Variants in SUCO observed in about 807,000 individuals in gnomAD.
SUCO encodes SUN domain-containing ossification factor.
A neutral mutation model predicts 148.1 loss-of-function variants in SUCO; 57 were observed. The ratio of observed to expected loss-of-function variants is 0.38; its 90% CI spans 0.31 to 0.48. The LOEUF is 0.48. Ranked by LOEUF, SUCO falls within the 20% of genes least tolerant of loss-of-function variation. SUCO has a pLI of 0.96. For synonymous variants in SUCO, 470 were observed against 502.7 expected, an observed-to-expected ratio of 0.93 and a Z score of 0.87; for missense variants, 1,331 against 1,468.2, an observed-to-expected ratio of 0.91 and a Z score of 1.53.
rs1415934321 is a variant in SUCO, at chr1:172,533,206, G to A, written c.-230G>A. Reference sequence around the variant, plus strand: ...GCGTGGACGAGCCGGTGGCTGCAGCGGCGGCGGTCCCCGGAGTCCTGTGAA... The same window carrying A: ...GCGTGGACGAGCCGGTGGCTGCAGCAGCGGCGGTCCCCGGAGTCCTGTGAA... On this transcript the variant is annotated 5_prime_UTR_variant, in exon 1 of 24. Coordinates refer to ENST00000263688, the MANE Select transcript of SUCO (RefSeq NM_014283.5). The A allele has an allele frequency of 2.6e-6, 4 of 1,517,704 alleles. No individual in the cohort carries two copies. The highest frequency in any genetic ancestry group is 1.2e-5 in the South Asian group (1 of 81,540). The allele number at this position is 1,517,704 out of a possible 1,614,324, so 94.0% of individuals were successfully genotyped here.
At chr1:172,564,481 C>G (rs1370244911) in intron 6 of SUCO, among the ~76,000 whole-genome samples, 8 of 152,188 alleles carry the variant, frequency 5.3e-5, no homozygotes, top group South Asian at 2.1e-4. Flanking sequence ...CACTCTCTTT[C>G]TCCTGCGCCA....
In SUCO at chr1:172,533,201, G is replaced by A. The variant is rs749738669; in HGVS notation, c.-235G>A. The A allele has an allele frequency of 2.0e-6, 3 of 1,512,826 alleles. No individual in the cohort carries two copies. The highest frequency in any genetic ancestry group is 2.1e-5 in the Admixed American group (1 of 47,454). 93.7% of individuals were successfully genotyped at this position (1,512,826 alleles called of 1,614,324 possible). The stretch of plus-strand genomic sequence containing the variant: ...GGCGGGCGTGGACGAGCCGGTGGCT[G>A]CAGCGGCGGCGGTCCCCGGAGTCCT... On this transcript the variant is annotated 5_prime_UTR_variant, in exon 1 of 24. Coordinates refer to ENST00000263688, the MANE Select transcript of SUCO (RefSeq NM_014283.5).
At chr1:172,577,610 A>G (rs1655545286) in intron 12 of SUCO, 51 bp downstream of exon 12, 1 of 1,599,816 alleles carries the variant, frequency 6.3e-7, no homozygotes, top group Admixed American at 1.7e-5. Flanking sequence ...TGGCGTATTA[A>G]TGCATTACAA....
intron 4 of SUCO, among the ~76,000 whole-genome samples, chr1:172,556,273 C>T (rs1558180207): frequency 6.6e-6 from 1 of 152,112 alleles, no homozygotes; most frequent in African/African-American, 2.4e-5. Flanking sequence ...TATGAAATCT[C>T]TATATAGTCT....
At chr1:172,574,669 A>G (rs183278194) in intron 10 of SUCO, among the ~76,000 whole-genome samples, 1 of 151,988 alleles carries the variant, frequency 6.6e-6, no homozygotes, top group Non-Finnish European at 1.5e-5. Flanking sequence ...TGTACACATT[A>G]TTTTTTGTTC....
chr1:172,568,800 G>T (rs1654740120), intron 6 of SUCO, among the ~76,000 whole-genome samples: 1 of 152,076 alleles, frequency 6.6e-6, no homozygotes, highest in South Asian at 2.1e-4. Flanking sequence ...CTTAACAAGT[G>T]AAGGAACACA....
At chr1:172,590,666 G>A (rs981215749) in intron 18 of SUCO, among the ~76,000 whole-genome samples, 3 of 152,092 alleles carry the variant, frequency 2.0e-5, no homozygotes, top group Non-Finnish European at 4.4e-5. Flanking sequence ...TATATCTGAA[G>A]TAGGAAATTT....
intron 11 of SUCO, chr1:172,576,819 C>T: frequency 1.3e-6 from 1 of 760,352 alleles, no homozygotes; most frequent in African/African-American, 1.9e-5. Context: ...CATTTACTTA[C>T]AGCTCATGAA....
chr1:172,567,799 T>C (rs978387715), intron 6 of SUCO, among the ~76,000 whole-genome samples: 4 of 152,214 alleles, frequency 2.6e-5, no homozygotes, highest in African/African-American at 9.7e-5. Flanking sequence ...TAGCATAGAT[T>C]TCTCTTGGCT....
At chr1:172,595,688 TTCTC>T (rs1452169237) in intron 19 of SUCO, among the ~76,000 whole-genome samples, 1 of 152,196 alleles carries the variant, frequency 6.6e-6, no homozygotes, top group Non-Finnish European at 1.5e-5. Flanking sequence ...AACCCGACCT[TTCTC>T]TCTGGCTGCC....
intron 19 of SUCO, 48 bp from the exon 20 acceptor site, chr1:172,600,016 A>T: frequency 8.1e-7 from 1 of 1,238,224 alleles, no homozygotes; most frequent in Non-Finnish European, 1.1e-6. Flanking sequence ...TTATAATGTT[A>T]ATAGTTTGTA....
At chr1:172,587,430 A>G (rs1656321300) in intron 17 of SUCO, among the ~76,000 whole-genome samples, 1 of 152,106 alleles carries the variant, frequency 6.6e-6, no homozygotes. Context: ...ATGATGGGAT[A>G]TAACATCTGT....
intron 1 of SUCO, among the ~76,000 whole-genome samples, chr1:172,546,342 TAAATG>T (rs561650087): frequency 9.2e-5 from 14 of 152,286 alleles, no homozygotes; most frequent in African/African-American, 2.9e-4. Context: ...AGCCAACAGA[TAAATG>T]AAAAGAAAGG....
At chr1:172,542,258 T>C (rs1652522444) in intron 1 of SUCO, among the ~76,000 whole-genome samples, 1 of 152,100 alleles carries the variant, frequency 6.6e-6, no homozygotes, top group Admixed American at 6.5e-5. Flanking sequence ...AGCGCATGCC[T>C]GTAATCCCAC....
chr1:172,564,010 C>T (rs1030260772), intron 6 of SUCO, among the ~76,000 whole-genome samples: 4 of 152,224 alleles, frequency 2.6e-5, no homozygotes, highest in Admixed American at 6.5e-5. Flanking sequence ...GTGCAAGCCC[C>T]GAGCCTTTGC....
chr1:172,543,290 T>C lies in SUCO; in HGVS notation c.63-8222T>C, dbSNP rs955120319. ...AATAGAGACTTTGTTTGAGCATGAC[T>C]GATCTGTTGGCCTGGTAGTAATTTA... On this transcript the variant is annotated intron_variant, in intron 1 of 23. Transcript: ENST00000263688. 1.3e-5 allele frequency among the ~76,000 whole-genome samples: 2 copies of C among 152,246 alleles called. 1 individual carries two copies. Among genetic ancestry groups the C allele is most frequent in the Admixed American group, 1.3e-4 (2 of 15,288 alleles).
intron 4 of SUCO, chr1:172,556,527 T>G (rs896923755): frequency 1.6e-5 from 13 of 829,002 alleles, no homozygotes; most frequent in Non-Finnish European, 4.4e-6. Flanking sequence ...CCTGCAGCAG[T>G]CCAAAGAACA....
Position 172,556,031 on chromosome 1 carries a change from G to C in SUCO, c.443+8G>C. On this transcript the variant is annotated splice_region_variant and intron_variant, in intron 4 of 23. Transcript: ENST00000263688. The stretch of plus-strand genomic sequence containing the variant: ...TCCAATCTCAAAGCTTGAGTAAGTT[G>C]TTACAAAAAACAAACACAAAAAAGA... 6.3e-7 allele frequency: 1 copy of C among 1,599,772 alleles called. No homozygotes were observed. Among genetic ancestry groups the C allele is most frequent in the Admixed American group, 1.7e-5 (1 of 57,838 alleles).
chr1:172,547,027 C>T (rs1475318256), intron 1 of SUCO, among the ~76,000 whole-genome samples: 3 of 152,170 alleles, frequency 2.0e-5, no homozygotes, highest in African/African-American at 7.2e-5. Context: ...TTCTCATCAC[C>T]CTAGAAAGTT....
Sources: gnomAD v4.1 joint callset for allele counts (sites outside exome capture counted in the v4.1 genomes callset) on GRCh38, gnomAD v4.1.1 for gene constraint, MANE v1.5 for transcripts, NCBI Gene and HGNC (gene_info 2026-07-23, HGNC 2026-07-21) for gene names.